The following PIP5K1C variants were observed in gnomAD, a reference collection of about 807,000 sequenced individuals.
PIP5K1C encodes phosphatidylinositol 4-phosphate 5-kinase type-1 gamma.
PIP5K1C carries 45 observed loss-of-function variants against 80.1 expected under a neutral mutation model. The ratio of observed to expected loss-of-function variants is 0.56; its 90% CI spans 0.44 to 0.72. The LOEUF (loss-of-function observed/expected upper bound fraction) is 0.72. Among genes scored for constraint, PIP5K1C ranks in the 30% least tolerant of loss-of-function variants. The probability of loss-of-function intolerance (pLI) is 0.00; values close to 1 mark genes in which losing one functional copy is unlikely to be tolerated. For missense variants in PIP5K1C, 753 were observed against 954.6 expected, an observed-to-expected ratio of 0.79 and a Z score of 2.78; for synonymous variants, 498 against 420.1, an observed-to-expected ratio of 1.19 and a Z score of -2.27.
At chr19:3,661,424 C>T (rs1243560461) in intron 4 of PIP5K1C, among the ~76,000 whole-genome samples, 1 of 152,216 alleles carries the variant, frequency 6.6e-6, no homozygotes, top group East Asian at 1.9e-4. Flanking sequence ...TGGTCATGTC[C>T]GAAAGGGAAG....
At chr19:3,699,516 G>C (rs1464230181) in intron 1 of PIP5K1C, among the ~76,000 whole-genome samples, 2 of 152,202 alleles carry the variant, frequency 1.3e-5, no homozygotes, top group Non-Finnish European at 2.9e-5. Context: ...CGCTGCTGCT[G>C]GCTGCCTGGG....
At position 3,633,477 on chromosome 19, in the gene PIP5K1C, C is replaced by A. The variant is rs777442009; in HGVS notation, c.1964G>T (p.Ser655Ile). The change falls in exon 17 of 18, where the codon AGC becomes ATC. Residue 655 changes from serine to isoleucine, a missense_variant. Ser to Ile is a moderately radical substitution (Grantham distance 142). This residue lies in a region of PIP5K1C where 315 missense variants were observed against 294.5 expected (regional missense o/e 1.07). Coordinates refer to ENST00000335312, the MANE Select transcript of PIP5K1C (RefSeq NM_012398.3). The stretch of plus-strand genomic sequence containing the variant: ...GTCGGAGGCCGGGGGGGCCTGGGCG[C>A]TATAGTGGAGCGGGGAGTACACCCA... ...RSWVYSPLHY[S>I]AQAPPASDGE... The A allele has an allele frequency of 6.6e-7, 1 of 1,513,856 alleles. No individual in the cohort carries two copies. The allele number at this position is 1,513,856 out of a possible 1,614,324, so 93.8% of individuals were successfully genotyped here. A position where few individuals can be genotyped will look rare whatever the true frequency, so the allele number is the denominator to read the frequency against.
chr19:3,663,682 C>T (rs545671443), intron 3 of PIP5K1C, among the ~76,000 whole-genome samples: 23 of 152,346 alleles, frequency 1.5e-4, no homozygotes, highest in African/African-American at 4.6e-4. Flanking sequence ...CTCGAAGAGA[C>T]ACCACCTCAC....
chr19:3,679,247 G>T (rs2035513224), intron 1 of PIP5K1C, among the ~76,000 whole-genome samples: 1 of 152,096 alleles, frequency 6.6e-6, no homozygotes, highest in South Asian at 2.1e-4. Context: ...GGTCACAGAG[G>T]ATGCCCCCAA....
Position 3,689,584 on chromosome 19 carries a change from G to C in PIP5K1C, c.94+10713C>G, listed in dbSNP as rs568147758. 1.5e-4 allele frequency among the ~76,000 whole-genome samples: 23 copies of C among 152,282 alleles called. No homozygotes were observed. In the South Asian group the frequency reaches 4.8e-3, roughly 32 times the overall value. On this transcript the variant is annotated intron_variant, in intron 1 of 17. Coordinates refer to ENST00000335312, the MANE Select transcript of PIP5K1C (RefSeq NM_012398.3). ...GAATTGCTTGAAACCGGAAGACAGAGGTTTCGGTGAGCTGAGATCGCGCCA... is the reference window on the plus strand; with the variant it reads ...GAATTGCTTGAAACCGGAAGACAGACGTTTCGGTGAGCTGAGATCGCGCCA...
At chr19:3,694,760 C>T (rs551890976) in intron 1 of PIP5K1C, among the ~76,000 whole-genome samples, 20 of 152,358 alleles carry the variant, frequency 1.3e-4, no homozygotes, top group African/African-American at 4.3e-4. Context: ...AGCCACAGCC[C>T]ACCCTTATTC....
At position 3,661,930 on chromosome 19, in the gene PIP5K1C, C is replaced by A; in HGVS notation, c.291G>T (p.Lys97Asn). 6.2e-7 allele frequency: 1 copy of A among 1,612,620 alleles called. No individual in the cohort carries two copies. The highest frequency in any genetic ancestry group is 8.5e-7 in the Non-Finnish European group (1 of 1,179,858). Residue 97 changes from lysine (K) to asparagine (N), a missense_variant, in exon 4 of 18, where the codon AAG becomes AAT. Lys to Asn is a moderately conservative substitution (Grantham distance 94, BLOSUM62 0). Transcript: ENST00000335312. Reference sequence around the variant, plus strand: ...CCTGCATGAGCACGTCGCGTTCGGGCTTGGAGCTCAGGTGGCCCACGGTGT... The same window carrying A: ...CCTGCATGAGCACGTCGCGTTCGGGATTGGAGCTCAGGTGGCCCACGGTGT... The part of the protein sequence containing the change: ...IGYTVGHLSS[K>N]PERDVLMQDF...
intron 17 of PIP5K1C, 60 bp from the exon 18 acceptor site, chr19:3,633,229 G>A (rs1004885282): frequency 3.3e-5 from 24 of 731,556 alleles, no homozygotes; most frequent in South Asian, 1.9e-4. Context: ...CAGGCCCCCT[G>A]CCAGGGACTG....
At chr19:3,645,948 C>T (rs762476078) in intron 11 of PIP5K1C, 26 bp downstream of exon 11, 3 of 1,594,260 alleles carry the variant, frequency 1.9e-6, no homozygotes. Flanking sequence ...GGGTCCCTCC[C>T]GCCTTGCGGG....
In PIP5K1C at chr19:3,667,357, C is replaced by T. The variant is rs570347019; in HGVS notation, c.95-4G>A. 6.2e-7 allele frequency: 1 copy of T among 1,612,930 alleles called. No homozygotes were observed. The highest frequency in any genetic ancestry group is 1.3e-5 in the African/African-American group (1 of 75,026). On this transcript the variant is annotated splice_region_variant and splice_polypyrimidine_tract_variant and intron_variant, in intron 1 of 17. Transcript: ENST00000335312. ...GCCGCCTTCTTCTGAGCCAAACCTG[C>T]AGAAGAGACAAGCTGGGTATCAGAC... is the stretch of plus-strand genomic sequence containing the variant.
At chr19:3,695,412 G>A (rs931250214) in intron 1 of PIP5K1C, among the ~76,000 whole-genome samples, 7 of 152,334 alleles carry the variant, frequency 4.6e-5, no homozygotes, top group African/African-American at 1.7e-4. Context: ...TGCCTGTCCC[G>A]TGCCTTCTAA....
At chr19:3,638,807 G>A (rs906084354) in intron 16 of PIP5K1C, 77 bp downstream of exon 16, 14 of 1,571,988 alleles carry the variant, frequency 8.9e-6, no homozygotes, top group East Asian at 2.2e-5. Context: ...GTGTGTATGC[G>A]GTGTGCACAC....
At chr19:3,672,123 G>A (rs187021519) in intron 1 of PIP5K1C, among the ~76,000 whole-genome samples, 7 of 152,242 alleles carry the variant, frequency 4.6e-5, no homozygotes, top group East Asian at 3.9e-4. Flanking sequence ...TGACCTCATC[G>A]GCCACCCCAC....
chr19:3,677,441 G>C (rs978146242), intron 1 of PIP5K1C, among the ~76,000 whole-genome samples: 3 of 151,884 alleles, frequency 2.0e-5, no homozygotes, highest in Non-Finnish European at 4.4e-5. Flanking sequence ...AAATTAGGCG[G>C]GTGTGGTGGC....
rs1321710282 is a variant in PIP5K1C at position 3,700,305 on chromosome 19, G to T, written c.86C>A (p.Ala29Glu). Residue 29 changes from alanine (A) to glutamate (E), a missense_variant, in exon 1 of 18, where the codon GCG (alanine) becomes GAG (glutamate). Around this residue, in one of 6 missense-constraint regions of PIP5K1C, gnomAD observed 78 missense variants for 67.1 expected, o/e 1.16. Transcript: ENST00000335312. ...GGAGGCCGGGCCGTTACCTGCCGCC[G>T]CCCCGCTCTCTGCCGCCCACGCCGC... is the stretch of plus-strand genomic sequence containing the variant. ...SEAAWAAESG[A>E]AAGLAQKKAA... 1.6e-6 allele frequency: 2 copies of T among 1,285,220 alleles called. No homozygotes were observed. Among genetic ancestry groups the T allele is most frequent in the Non-Finnish European group, 2.0e-6 (2 of 999,946 alleles). The allele number at this position is 1,285,220 out of a possible 1,614,324, so 79.6% of individuals were successfully genotyped here.
At position 3,630,417 on chromosome 19, in the gene PIP5K1C, G is replaced by A. The variant is rs2033438575; in HGVS notation, c.*2750C>T. 6.6e-6 allele frequency: 1 copy of A among 152,578 alleles called. No homozygotes were observed. The highest frequency in any genetic ancestry group is 1.5e-5 in the Non-Finnish European group (1 of 68,040). 9.5% of individuals were successfully genotyped at this position (152,578 alleles called of 1,614,324 possible). On this transcript the variant is annotated 3_prime_UTR_variant, in exon 18 of 18. Coordinates refer to ENST00000335312, the MANE Select transcript of PIP5K1C (RefSeq NM_012398.3). Reference sequence around the variant, plus strand: ...GAGTGGCATCCCTGGGGGGAGTTAAGACACACGAGGTTTGCAGTTTCATTT... The same window carrying A: ...GAGTGGCATCCCTGGGGGGAGTTAAAACACACGAGGTTTGCAGTTTCATTT...
chr19:3,697,044 C>T (rs1374454586), intron 1 of PIP5K1C, among the ~76,000 whole-genome samples: 1 of 151,412 alleles, frequency 6.6e-6, no homozygotes. Flanking sequence ...CAAAGGAGGA[C>T]TGAGCTGGAC....
chr19:3,665,488 C>G (rs1191527544), intron 2 of PIP5K1C, among the ~76,000 whole-genome samples: 1 of 152,116 alleles, frequency 6.6e-6, no homozygotes, highest in African/African-American at 2.4e-5. Flanking sequence ...GGGGTGGGAA[C>G]AGAGCGGGGG....
chr19:3,658,222 C>A (rs2034704818), intron 5 of PIP5K1C, among the ~76,000 whole-genome samples: 2 of 152,224 alleles, frequency 1.3e-5, no homozygotes, highest in African/African-American at 4.8e-5. Context: ...CTGGATTTTG[C>A]GGAGTCAGCA....
Sources: allele counts gnomAD v4.1 joint callset (sites outside exome capture counted in the v4.1 genomes callset), GRCh38; gene constraint gnomAD v4.1.1; regional missense constraint gnomAD v4.1.1; transcripts MANE v1.5; gene names NCBI Gene and HGNC (gene_info 2026-07-23, HGNC 2026-07-21).